PODN: variants seen among roughly 807,000 people sequenced by gnomAD.
PODN encodes podocan proteoglycan.
In PODN, 40 loss-of-function variants were observed where a neutral mutation model predicts 52.7. That is an observed-to-expected ratio of 0.76 (90% CI 0.59 to 0.99). The LOEUF is 0.99. Among genes scored for constraint, PODN ranks in the 50% least tolerant of loss-of-function variants. PODN has a pLI of 0.00. For missense variants in PODN, 720 were observed against 815.1 expected, an observed-to-expected ratio of 0.88 and a Z score of 1.42; for synonymous variants, 396 against 377.9, an observed-to-expected ratio of 1.05 and a Z score of -0.56.
At chr1:53,070,283 C>A in intron 2 of PODN, 116 bp downstream of exon 2, 2 of 1,475,650 alleles carry the variant, frequency 1.4e-6, no homozygotes, top group South Asian at 1.3e-5. Context: ...ATATGTGCGG[C>A]TCTCCACTCC....
chr1:53,064,957 C>A (rs1476589986), intron 1 of PODN, among the ~76,000 whole-genome samples: 2 of 152,196 alleles, frequency 1.3e-5, no homozygotes, highest in Non-Finnish European at 2.9e-5. Flanking sequence ...ATGTTCCTCA[C>A]CAGGTGGACT....
Position 53,084,901 on chromosome 1 carries a change from C to G in PODN, c.*416C>G, listed in dbSNP as rs1644341275. The G allele has an allele frequency of 6.6e-6, 1 of 152,462 alleles. No homozygotes were observed. Among genetic ancestry groups the G allele is most frequent in the Non-Finnish European group, 1.5e-5 (1 of 68,186 alleles). 9.4% of individuals were successfully genotyped at this position (152,462 alleles called of 1,614,324 possible). A position where few individuals can be genotyped will look rare whatever the true frequency, so the allele number is the denominator to read the frequency against. ...TACACACCACACACACACACATGCA[C>G]AAGTCATGTGCGAACAGCCCTCCAA... On this transcript the variant is annotated 3_prime_UTR_variant, in exon 11 of 11. Coordinates refer to ENST00000312553, the MANE Select transcript of PODN (RefSeq NM_153703.5).
intron 6 of PODN, 31 bp downstream of exon 6, chr1:53,077,377 G>A: frequency 6.2e-7 from 1 of 1,609,358 alleles, no homozygotes; most frequent in Non-Finnish European, 8.5e-7. Context: ...GAGGGGCACA[G>A]CAGACCCCAC....
At position 53,078,830 on chromosome 1, in the gene PODN, C is replaced by A. The variant is rs1387404570; in HGVS notation, c.1320C>A (p.Asn440Lys). The A allele has an allele frequency of 1.9e-6, 3 of 1,612,726 alleles. No individual in the cohort carries two copies. Among genetic ancestry groups the A allele is most frequent in the Non-Finnish European group, 2.5e-6 (3 of 1,179,728 alleles). Residue 440 changes from asparagine to lysine, a missense_variant, in exon 8 of 11, where the codon AAC becomes AAA. Physicochemically the swap from Asn to Lys is moderately conservative, Grantham distance 94 (BLOSUM62 0). Coordinates refer to ENST00000312553, the MANE Select transcript of PODN (RefSeq NM_153703.5). ...TGCGCTCGCTGGACCTGTCGGGCAA[C>A]CGGCTGCACACGCTGCCACCTGGGC... Reference protein sequence around the residue: ...RLLRSLDLSGNRLHTLPPGLP... With the variant: ...RLLRSLDLSGKRLHTLPPGLP...
At chr1:53,065,754 A>C (rs1572255504) in intron 1 of PODN, among the ~76,000 whole-genome samples, 1 of 151,286 alleles carries the variant, frequency 6.6e-6, no homozygotes, top group African/African-American at 2.4e-5. Flanking sequence ...TTTTTGTATC[A>C]CTCCTAGTCC....
intron 1 of PODN, among the ~76,000 whole-genome samples, chr1:53,067,779 G>A (rs772706338): frequency 6.6e-5 from 10 of 152,052 alleles, no homozygotes; most frequent in Non-Finnish European, 1.0e-4. Flanking sequence ...TGGCTGGCAC[G>A]GTTGTGACCC....
Position 53,070,086 on chromosome 1 carries a change from G to A in PODN, c.231G>A (p.Glu77=), listed in dbSNP as rs768477356. 6 of 1,612,872 alleles carry A rather than the reference G, an allele frequency of 3.7e-6. No individual in the cohort carries two copies. The East Asian group carries it at 6.7e-5, about 18-fold the overall frequency. Residue 77 remains glutamate (E), a synonymous_variant, in exon 2 of 11, where the codon GAG becomes GAA. Coordinates refer to ENST00000312553, the MANE Select transcript of PODN (RefSeq NM_153703.5). ...CCCGAGACTGTGCCTGTTCCCAGGA[G>A]GGCGTCGTGGACTGTGGCGGTATTG... ...SCPRDCACSQ[E]GVVDCGGIDL...
chr1:53,069,861 C>T lies in PODN; in HGVS notation c.6C>T (p.Ala2=), dbSNP rs1644087238. 1 of 1,572,056 alleles carries T rather than the reference C, an allele frequency of 6.4e-7. No homozygotes were observed. The highest frequency in any genetic ancestry group is 1.2e-5 in the South Asian group (1 of 86,274). The change falls in exon 2 of 11, where the codon GCC becomes GCT. Residue 2 remains alanine (A), a synonymous_variant. Transcript: ENST00000312553. ...CGGCACCCCCTGCAGGCACCATGGC[C>T]CAGAGCCGGGTGCTGCTGCTCCTGC... The part of the protein sequence containing the change: M[A]QSRVLLLLLL...
chr1:53,077,361 G>T lies in PODN; in HGVS notation c.738+15G>T, dbSNP rs748076679. The T allele has an allele frequency of 1.2e-6, 2 of 1,612,236 alleles. No homozygotes were observed. The highest frequency in any genetic ancestry group is 2.2e-5 in the South Asian group (2 of 91,006). Reference sequence around the variant, plus strand: ...TGCACCTCAAGGTGGGCAGGGGAGGGGTAAGGAGGGGCACAGCAGACCCCA... The same window carrying T: ...TGCACCTCAAGGTGGGCAGGGGAGGTGTAAGGAGGGGCACAGCAGACCCCA... On this transcript the variant is annotated intron_variant, in intron 6 of 10. Transcript: ENST00000312553.
chr1:53,080,141 C>T (rs1325050769), intron 8 of PODN, among the ~76,000 whole-genome samples: 1 of 152,230 alleles, frequency 6.6e-6, no homozygotes, highest in Non-Finnish European at 1.5e-5. Context: ...GGATGCCAGG[C>T]ATGTGATGAT....
intron 9 of PODN, among the ~76,000 whole-genome samples, chr1:53,081,306 G>A (rs910937965): frequency 6.6e-6 from 1 of 152,230 alleles, no homozygotes; most frequent in African/African-American, 2.4e-5. Context: ...GCTCCCTGAG[G>A]ATATGAGGGG....
intron 4 of PODN, among the ~76,000 whole-genome samples, chr1:53,075,479 G>A (rs1208639749): frequency 2.6e-5 from 4 of 152,184 alleles, no homozygotes; most frequent in East Asian, 1.9e-4. Context: ...TCACCTGGAC[G>A]CTTGCCTCCT....
At chr1:53,072,133 TA>T (rs1644129360) in intron 3 of PODN, among the ~76,000 whole-genome samples, 1 of 150,016 alleles carries the variant, frequency 6.7e-6, no homozygotes, top group African/African-American at 2.4e-5. Context: ...ATAAAATAAA[TA>T]AAAAATAAAA....
At chr1:53,083,586 T>G (rs1324177857) in intron 10 of PODN, among the ~76,000 whole-genome samples, 2 of 152,204 alleles carry the variant, frequency 1.3e-5, no homozygotes, top group African/African-American at 2.4e-5. Context: ...GTTTTCTCTG[T>G]GCAGCAGGGA....
chr1:53,062,424 C>A (rs1643971366), intron 1 of PODN, 116 bp downstream of exon 1: 2 of 729,396 alleles, frequency 2.7e-6, no homozygotes, highest in Admixed American at 4.4e-5. Flanking sequence ...GCGGGCCCGC[C>A]GCATCTCACC....
intron 1 of PODN, chr1:53,066,931 C>T (rs1644042131): frequency 6.7e-7 from 1 of 1,482,086 alleles, no homozygotes; most frequent in African/African-American, 1.4e-5. Flanking sequence ...TGGCCTTCTG[C>T]CCTGATTGAA....
intron 4 of PODN, among the ~76,000 whole-genome samples, chr1:53,075,626 C>T (rs907667691): frequency 4.6e-5 from 7 of 152,222 alleles, no homozygotes; most frequent in South Asian, 2.1e-4. Flanking sequence ...CCCAGGAGGA[C>T]GGGCAGGGCA....
chr1:53,074,434 G>T (rs1253365885), intron 3 of PODN, among the ~76,000 whole-genome samples, 172 bp from the exon 4 acceptor site: 2 of 151,896 alleles, frequency 1.3e-5, no homozygotes, highest in African/African-American at 4.8e-5. Flanking sequence ...GCTTATGTGA[G>T]CAAGGAGAAA....
chr1:53,070,027 G>T lies in PODN; in HGVS notation c.172G>T (p.Glu58Ter), dbSNP rs58592078. 6.2e-7 allele frequency: 1 copy of T among 1,612,918 alleles called. No homozygotes were observed. The highest frequency in any genetic ancestry group is 8.5e-7 in the Non-Finnish European group (1 of 1,179,938). Reference sequence around the variant, plus strand: ...GCCGGTGCTGGTACTGAGCCCTGAGGAGCCCGGGCCTGGCCCAGCCGCGGT... The same window carrying T: ...GCCGGTGCTGGTACTGAGCCCTGAGTAGCCCGGGCCTGGCCCAGCCGCGGT... ...EEPVLVLSPE[E>*]PGPGPAAVSC... Residue 58 changes from glutamate (E) to a stop codon, truncating the protein, a stop_gained, in exon 2 of 11, where the codon GAG becomes TAG. Transcript: ENST00000312553. LOFTEE classifies it high-confidence loss of function.
Sources: gnomAD v4.1 joint callset for allele counts (sites outside exome capture counted in the v4.1 genomes callset) on GRCh38, gnomAD v4.1.1 for gene constraint, MANE v1.5 for transcripts, NCBI Gene and HGNC (gene_info 2026-07-23, HGNC 2026-07-21) for gene names.